Variants in PIGG observed in about 807,000 individuals in gnomAD.
The protein encoded by PIGG is GPI ethanolamine phosphate transferase 2, catalytic subunit.
In PIGG, 70 loss-of-function variants were observed where a neutral mutation model predicts 83.2. The ratio of observed to expected loss-of-function variants is 0.84; its 90% CI spans 0.69 to 1.03. The LOEUF (loss-of-function observed/expected upper bound fraction) is 1.03. PIGG is among the 50% of genes least tolerant of loss of function. PIGG has a pLI of 0.00. For missense variants in PIGG, 1,257 were observed against 1,233.6 expected (o/e 1.02, Z -0.28); for synonymous variants, 532 against 519.5 (o/e 1.02, Z -0.33).
Position 505,794 on chromosome 4 carries a change from G to C in PIGG, c.437G>C (p.Ser146Thr), listed in dbSNP as rs1719470263. 6.2e-7 allele frequency: 1 copy of C among 1,613,680 alleles called. No individual in the cohort carries two copies. Among genetic ancestry groups the C allele is most frequent in the East Asian group, 2.2e-5 (1 of 44,874 alleles). The change falls in exon 3 of 13, where the codon AGT (serine) becomes ACT (threonine). Residue 146 changes from serine (S) to threonine (T), a missense_variant. Ser to Thr is a moderately conservative substitution (Grantham distance 58, BLOSUM62 1). Coordinates refer to ENST00000453061, the MANE Select transcript of PIGG (RefSeq NM_001127178.3). ...AATTCTCCTGCACTGCTGGAAGACAGTGTGATAAGACAAGCAAAAGCAGCT... is the reference window on the plus strand; with the variant it reads ...AATTCTCCTGCACTGCTGGAAGACACTGTGATAAGACAAGCAAAAGCAGCT... Reference protein sequence around the residue: ...NLNSPALLEDSVIRQAKAAGK... With the variant: ...NLNSPALLEDTVIRQAKAAGK...
Position 516,034 on chromosome 4 carries a change from A to G in PIGG, c.963A>G (p.Ala321=). The G allele has an allele frequency of 6.2e-7, 1 of 1,614,260 alleles. No individual in the cohort carries two copies. Among genetic ancestry groups the G allele is most frequent in the Non-Finnish European group, 8.5e-7 (1 of 1,180,020 alleles). Residue 321 remains alanine, a synonymous_variant, in exon 6 of 13, where the codon GCA becomes GCG. Transcript: ENST00000453061. ...ATGTGGCTGCGACACTGGCGATAGC[A>G]CTTGGCTTACCGATTCCAAAAGACA... The part of the protein sequence containing the change: ...QTDVAATLAI[A]LGLPIPKDSV...
chr4:522,228 C>T (rs905653234), intron 8 of PIGG: 6 of 588,694 alleles, frequency 1.0e-5, no homozygotes, highest in Middle Eastern at 4.5e-4. Flanking sequence ...AAAGAGCTGG[C>T]GGTCACAGAG....
chr4:520,648 A>C (rs1261124858), intron 6 of PIGG, among the ~76,000 whole-genome samples: 1 of 152,226 alleles, frequency 6.6e-6, no homozygotes, highest in Non-Finnish European at 1.5e-5. Context: ...AGACTCTAAA[A>C]CCTGACTGTT....
chr4:503,233 G>C (rs1439197900), intron 2 of PIGG, among the ~76,000 whole-genome samples: 1 of 152,124 alleles, frequency 6.6e-6, no homozygotes, highest in African/African-American at 2.4e-5. Context: ...GCTGCTGTGG[G>C]CTCCAGCCTG....
intron 9 of PIGG, chr4:525,475 G>C: frequency 2.1e-6 from 1 of 476,622 alleles, no homozygotes; most frequent in Non-Finnish European, 2.7e-6. Flanking sequence ...AAAGGGAAAT[G>C]CCTAGTCCTA....
chr4:523,394 G>T, intron 8 of PIGG, 65 bp from the exon 9 acceptor site: 1 of 1,171,478 alleles, frequency 8.5e-7, no homozygotes, highest in Non-Finnish European at 1.2e-6. Flanking sequence ...GCAAGGACTT[G>T]ACATGCAGCA....
At chr4:532,508 A>AC (rs1245074781) in intron 11 of PIGG, 1 of 152,314 alleles carries the variant, frequency 6.6e-6, no homozygotes, top group East Asian at 1.9e-4. Flanking sequence ...CTGGGGTGGC[A>AC]CCGTCCAAGA....
chr4:514,977 C>T (rs964194970), intron 5 of PIGG, among the ~76,000 whole-genome samples: 2 of 152,190 alleles, frequency 1.3e-5, no homozygotes, highest in East Asian at 1.9e-4. Context: ...TGGAAGAAAA[C>T]GGCCACACTG....
At chr4:532,414 C>T (rs1188596190) in intron 11 of PIGG, 1 of 152,418 alleles carries the variant, frequency 6.6e-6, no homozygotes, top group Non-Finnish European at 1.5e-5. Flanking sequence ...CCCTGCCACC[C>T]TCCAGGGTCT....
chr4:521,881 G>T lies in PIGG; in HGVS notation c.1554G>T (p.Leu518=). 1 of 1,614,214 alleles carries T rather than the reference G, an allele frequency of 6.2e-7. No individual in the cohort carries two copies. The highest frequency in any genetic ancestry group is 8.5e-7 in the Non-Finnish European group (1 of 1,180,034). The change falls in exon 8 of 13, where the codon CTG becomes CTT. Residue 518 remains leucine (L), a synonymous_variant. Coordinates refer to ENST00000453061, the MANE Select transcript of PIGG (RefSeq NM_001127178.3). ...AGGVMVLASA[L]LCVIVSVLTN... ...GGGTGATGGTGCTGGCCTCGGCGCTGCTGTGTGTGATTGTGTCTGTTCTGA... is the reference window on the plus strand; with the variant it reads ...GGGTGATGGTGCTGGCCTCGGCGCTTCTGTGTGTGATTGTGTCTGTTCTGA...
intron 5 of PIGG, among the ~76,000 whole-genome samples, chr4:509,588 C>T (rs115502936): frequency 2.0e-5 from 3 of 152,244 alleles, no homozygotes; most frequent in African/African-American, 4.8e-5. Flanking sequence ...TAATTTCTGC[C>T]GTCAGGCACA....
chr4:513,426 C>G (rs1265943269), intron 5 of PIGG, among the ~76,000 whole-genome samples: 2 of 152,180 alleles, frequency 1.3e-5, no homozygotes, highest in Admixed American at 6.5e-5. Flanking sequence ...CCGCCCACCC[C>G]TAGAGTGCTG....
At chr4:527,799 C>A (rs1455146214) in intron 10 of PIGG, 1 of 985,292 alleles carries the variant, frequency 1.0e-6, no homozygotes, top group African/African-American at 1.7e-5. Flanking sequence ...AACTGTGTTT[C>A]TGATTTTAAT....
chr4:503,761 TTAA>T (rs1718589414), intron 2 of PIGG, among the ~76,000 whole-genome samples: 1 of 152,108 alleles, frequency 6.6e-6, no homozygotes, highest in Non-Finnish European at 1.5e-5. Flanking sequence ...TGATGTGTTA[TTAA>T]TTGAAGAAGT....
chr4:517,866 A>G (rs979085457), intron 6 of PIGG, among the ~76,000 whole-genome samples: 1 of 152,240 alleles, frequency 6.6e-6, no homozygotes, highest in Non-Finnish European at 1.5e-5. Context: ...GCGTTCATCA[A>G]GAATCATGTT....
At position 503,312 on chromosome 4, in the gene PIGG, ACACTACTCTTTAAAACCCTT is replaced by A. The variant is rs554099203; in HGVS notation, c.361-2403_361-2384del. Among the ~76,000 whole-genome samples, 823 of 152,264 alleles carry A rather than the reference ACACTACTCTTTAAAACCCTT, an allele frequency of 5.4e-3. 3 individuals carry two copies. Among genetic ancestry groups the A allele is most frequent in the Middle Eastern group, 0.01 (3 of 294 alleles). On this transcript the variant is annotated intron_variant, in intron 2 of 12. Transcript: ENST00000453061. ...TTCTGGACACAAATCAGACCCTGCT[ACACTACTCTTTAAAACCCTT>A]CAGTAGTTTACGCTCTGCCCAGTTT...
intron 12 of PIGG, among the ~76,000 whole-genome samples, chr4:536,104 C>T (rs1325631148): frequency 6.6e-6 from 1 of 152,226 alleles, no homozygotes; most frequent in East Asian, 1.9e-4. Context: ...ATGAGTGCTT[C>T]GGAGCCAGAG....
At chr4:520,277 C>T (rs1175407787) in intron 6 of PIGG, among the ~76,000 whole-genome samples, 2 of 152,234 alleles carry the variant, frequency 1.3e-5, no homozygotes, top group Non-Finnish European at 2.9e-5. Context: ...GCTTTGCAGA[C>T]CAGTCTAATC....
intron 6 of PIGG, among the ~76,000 whole-genome samples, chr4:517,571 A>C (rs1348082846): frequency 1.3e-5 from 2 of 152,114 alleles, no homozygotes; most frequent in Non-Finnish European, 2.9e-5. Flanking sequence ...GCTGCGTCAA[A>C]GGTTGGTATT....
Sources: gnomAD v4.1 joint callset for allele counts (sites outside exome capture counted in the v4.1 genomes callset) on GRCh38, gnomAD v4.1.1 for gene constraint, MANE v1.5 for transcripts, NCBI Gene and HGNC (gene_info 2026-07-23, HGNC 2026-07-21) for gene names.